PCDHA11: variants seen among roughly 807,000 people sequenced by gnomAD.
The protein encoded by PCDHA11 is protocadherin alpha-11.
A neutral mutation model predicts 70.3 loss-of-function variants in PCDHA11; 61 were observed. The observed-to-expected ratio is 0.87, with a 90% CI of 0.71 to 1.07. The LOEUF (loss-of-function observed/expected upper bound fraction) is 1.07. PCDHA11 is among the 50% of genes least tolerant of loss of function. The pLI is 0.00. For missense variants in PCDHA11, 1,324 were observed against 1,237.5 expected, an observed-to-expected ratio of 1.07 and a Z score of -1.05; for synonymous variants, 633 against 555.1, an observed-to-expected ratio of 1.14 and a Z score of -1.97.
chr5:141,009,874 G>A lies in PCDHA11; in HGVS notation c.2787G>A (p.Lys929=), dbSNP rs1554262519. The A allele has an allele frequency of 6.2e-7, 1 of 1,613,836 alleles. No individual in the cohort carries two copies. Among genetic ancestry groups the A allele is most frequent in the African/African-American group, 1.3e-5 (1 of 74,824 alleles). ...CCAAGAAAAAGAAGAAAAAGAAGAA[G>A]GGTAACAAGACCCAGGAGAAAAAAG... ...EETKKKKKKK[K]GNKTQEKKEK... is the part of the protein sequence containing the mutation. Residue 929 remains lysine, a synonymous_variant, in exon 4 of 4, where the codon AAG becomes AAA. Transcript: ENST00000398640.
intron 1 of PCDHA11, among the ~76,000 whole-genome samples, chr5:140,903,607 A>G (rs938837767): frequency 6.6e-6 from 1 of 152,254 alleles, no homozygotes; most frequent in Non-Finnish European, 1.5e-5. Context: ...TGCTTAATAC[A>G]CATGAATGTG....
intron 3 of PCDHA11, among the ~76,000 whole-genome samples, chr5:141,000,361 GTCTCTCTCTCTCTC>G (rs148596731): frequency 5.7e-4 from 15 of 26,444 alleles, no homozygotes; most frequent in African/African-American, 2.0e-3. Context: ...GTCTCTCTCT[GTCTCTCTCTCTCTC>G]TCTCTCTCTC....
At chr5:140,998,591 T>A (rs2097823979) in intron 3 of PCDHA11, among the ~76,000 whole-genome samples, 1 of 150,884 alleles carries the variant, frequency 6.6e-6, no homozygotes, top group Non-Finnish European at 1.5e-5. Context: ...TGAGACAGAG[T>A]TTTGCTCTTG....
intron 1 of PCDHA11, among the ~76,000 whole-genome samples, chr5:140,936,918 T>C (rs2091208385): frequency 6.6e-6 from 1 of 152,198 alleles, no homozygotes; most frequent in Non-Finnish European, 1.5e-5. Flanking sequence ...CTGTAGAAAA[T>C]ATGGGGTATA....
chr5:140,899,056 G>C (rs1370417194), intron 1 of PCDHA11, among the ~76,000 whole-genome samples: 14 of 152,060 alleles, frequency 9.2e-5, no homozygotes, highest in Non-Finnish European at 2.9e-5. Flanking sequence ...CTGAGACTTT[G>C]CTGAAGTTGC....
chr5:140,911,666 C>G (rs2075593137), intron 1 of PCDHA11, among the ~76,000 whole-genome samples: 1 of 152,168 alleles, frequency 6.6e-6, no homozygotes, highest in East Asian at 1.9e-4. Flanking sequence ...AACTCCTTGC[C>G]TCTCACGAAC....
chr5:141,006,356 C>T (rs1342790572), intron 3 of PCDHA11, among the ~76,000 whole-genome samples: 4 of 151,920 alleles, frequency 2.6e-5, no homozygotes, highest in South Asian at 2.1e-4. Flanking sequence ...GGACTATAGG[C>T]GCCCACCACC....
intron 1 of PCDHA11, chr5:140,928,931 A>G: frequency 1.9e-6 from 3 of 1,614,150 alleles, no homozygotes; most frequent in Non-Finnish European, 2.5e-6. Flanking sequence ...CTTTCTGCCC[A>G]GAACTTGTAT....
chr5:140,950,820 AG>A (rs1429119954), intron 1 of PCDHA11, among the ~76,000 whole-genome samples: 2 of 152,088 alleles, frequency 1.3e-5, no homozygotes, highest in Non-Finnish European at 2.9e-5. Context: ...GTAGGGTTAA[AG>A]TTTGGTCCTT....
At chr5:140,966,983 G>T (rs782294035) in intron 1 of PCDHA11, 1 of 1,603,778 alleles carries the variant, frequency 6.2e-7, no homozygotes, top group Non-Finnish European at 8.5e-7. Flanking sequence ...GCGGCGCTTG[G>T]GGCCGGGTTG....
At chr5:140,877,209 G>C in intron 1 of PCDHA11, 1 of 1,613,794 alleles carries the variant, frequency 6.2e-7, no homozygotes, top group African/African-American at 1.3e-5. Context: ...CAGTTAGCGA[G>C]TTGGTACCGC....
At chr5:140,987,296 A>G (rs782162576) in intron 3 of PCDHA11, among the ~76,000 whole-genome samples, 1 of 152,126 alleles carries the variant, frequency 6.6e-6, no homozygotes, top group African/African-American at 2.4e-5. Context: ...CAAGCCTTCT[A>G]TGTGATACCA....
At chr5:140,998,968 T>A (rs2097841777) in intron 3 of PCDHA11, among the ~76,000 whole-genome samples, 1 of 152,238 alleles carries the variant, frequency 6.6e-6, no homozygotes, top group Non-Finnish European at 1.5e-5. Context: ...TCAAATAGTA[T>A]CCTAGAAAAT....
In PCDHA11 at chr5:140,911,678, G is replaced by A. The variant is rs551063911; in HGVS notation, c.2391+40184G>A. ...CTAAACTCCTTGCCTCTCACGAACCGTGCATCAGGAGTGTCAAATGAATTT... is the reference window on the plus strand; with the variant it reads ...CTAAACTCCTTGCCTCTCACGAACCATGCATCAGGAGTGTCAAATGAATTT... On this transcript the variant is annotated intron_variant, in intron 1 of 3. Coordinates refer to ENST00000398640, the MANE Select transcript of PCDHA11 (RefSeq NM_018902.5). Among the ~76,000 whole-genome samples the A allele has an allele frequency of 7.9e-5, 12 of 152,234 alleles. No homozygotes were observed. The South Asian group carries it at 1.2e-3, about 16-fold the overall frequency.
intron 3 of PCDHA11, among the ~76,000 whole-genome samples, chr5:140,992,857 C>G (rs1234991129): frequency 6.6e-6 from 1 of 152,148 alleles, no homozygotes; most frequent in African/African-American, 2.4e-5. Context: ...ACCAGTTTCA[C>G]TCTAGCTCCC....
intron 1 of PCDHA11, among the ~76,000 whole-genome samples, chr5:140,975,197 C>T (rs1176492853): frequency 6.6e-6 from 1 of 152,230 alleles, no homozygotes; most frequent in Non-Finnish European, 1.5e-5. Flanking sequence ...TCTGCTCCAT[C>T]TTCATGGCTG....
At chr5:141,005,440 A>C (rs1174431656) in intron 3 of PCDHA11, among the ~76,000 whole-genome samples, 3 of 152,112 alleles carry the variant, frequency 2.0e-5, no homozygotes, top group African/African-American at 7.2e-5. Flanking sequence ...TGAGAGGCTC[A>C]CGCCTGTAAT....
At chr5:140,971,895 T>C (rs1554233682) in intron 1 of PCDHA11, among the ~76,000 whole-genome samples, 2 of 151,872 alleles carry the variant, frequency 1.3e-5, no homozygotes, top group Non-Finnish European at 2.9e-5. Context: ...TCAGGGAGGT[T>C]AGGTAATCTA....
Position 141,010,460 on chromosome 5 carries a change from A to G in PCDHA11, c.*523A>G. ...AGACAAATAAACAGCGGAAGTTATC[A>G]GTATGGAGGGGAAGTGTAAACTTAA... On this transcript the variant is annotated 3_prime_UTR_variant, in exon 4 of 4. Coordinates refer to ENST00000398640, the MANE Select transcript of PCDHA11 (RefSeq NM_018902.5). The G allele has an allele frequency of 1.2e-6, 1 of 835,130 alleles. No individual in the cohort carries two copies. The highest frequency in any genetic ancestry group is 1.8e-6 in the Non-Finnish European group (1 of 562,732). The allele number at this position is 835,130 out of a possible 1,614,324, so 51.7% of individuals were successfully genotyped here.
Sources: allele counts gnomAD v4.1 joint callset (sites outside exome capture counted in the v4.1 genomes callset), GRCh38; gene constraint gnomAD v4.1.1; transcripts MANE v1.5; gene names NCBI Gene and HGNC (gene_info 2026-07-23, HGNC 2026-07-21).